Variants in SPAG9 observed in about 807,000 individuals in gnomAD.
SPAG9 encodes the protein sperm associated antigen 9.
In SPAG9, 35 loss-of-function variants were observed where a neutral mutation model predicts 166.5. The observed-to-expected ratio is 0.21, with a 90% CI of 0.16 to 0.28. The LOEUF (loss-of-function observed/expected upper bound fraction) is 0.28, where lower values mean the gene tolerates loss of function less well. Ranked by LOEUF, SPAG9 falls within the 10% of genes least tolerant of loss-of-function variation. The pLI, the probability that SPAG9 is intolerant of heterozygous loss-of-function variation, is 1.00. For synonymous variants in SPAG9, 534 were observed against 565.5 expected (o/e 0.94, Z 0.79); for missense variants, 1,235 against 1,603.3 (o/e 0.77, Z 3.92).
At chr17:51,007,787 C>A in intron 9 of SPAG9, 1 of 441,140 alleles carries the variant, frequency 2.3e-6, no homozygotes. Context: ...AGAGAACAGG[C>A]AAAAACAAGG....
chr17:51,080,206 A>G (rs1004339352), intron 1 of SPAG9, among the ~76,000 whole-genome samples: 2 of 152,208 alleles, frequency 1.3e-5, no homozygotes, highest in Non-Finnish European at 2.9e-5. Flanking sequence ...CATCAAGGAT[A>G]GTAACACTAA....
At chr17:51,031,937 GGA>G in intron 5 of SPAG9, 1 of 663,766 alleles carries the variant, frequency 1.5e-6, no homozygotes, top group Non-Finnish European at 2.8e-6. Flanking sequence ...GCCACCACTT[GGA>G]TCAGTGTCTT....
At chr17:51,116,095 G>A (rs755605242) in intron 1 of SPAG9, among the ~76,000 whole-genome samples, 1 of 151,822 alleles carries the variant, frequency 6.6e-6, no homozygotes, top group African/African-American at 2.4e-5. Context: ...GCCCAGGCTG[G>A]AGTACAGAGG....
At chr17:51,054,267 C>A (rs575318030) in intron 3 of SPAG9, among the ~76,000 whole-genome samples, 10 of 151,276 alleles carry the variant, frequency 6.6e-5, no homozygotes, top group African/African-American at 2.2e-4. Flanking sequence ...AAGGTGCAGG[C>A]CACCATGCCT....
intron 29 of SPAG9, 61 bp downstream of exon 29, chr17:50,970,646 T>G: frequency 6.9e-7 from 1 of 1,457,682 alleles, no homozygotes. Context: ...TTATTTACTT[T>G]GGGACAAAAC....
At chr17:50,972,254 T>C (rs572427223) in intron 28 of SPAG9, among the ~76,000 whole-genome samples, 1 of 152,296 alleles carries the variant, frequency 6.6e-6, no homozygotes, top group Admixed American at 6.5e-5. Context: ...GGAAAAGGTC[T>C]CTCCCTTGAA....
At chr17:51,075,374 C>T (rs955148663) in intron 2 of SPAG9, among the ~76,000 whole-genome samples, 6 of 151,800 alleles carry the variant, frequency 4.0e-5, no homozygotes, top group African/African-American at 1.2e-4. Flanking sequence ...AAAAAAGAAG[C>T]AGTATCTTCT....
rs1383860975 is a variant in SPAG9, at chr17:51,061,071, C to G, written c.425-4589G>C. ...CCATGTTGGTCAGGATGGTCTCGATCTCCTGACCTCGTGATCCACCCACCT... is the reference window on the plus strand; with the variant it reads ...CCATGTTGGTCAGGATGGTCTCGATGTCCTGACCTCGTGATCCACCCACCT... On this transcript the variant is annotated intron_variant, in intron 2 of 29. Coordinates refer to ENST00000262013, the MANE Select transcript of SPAG9 (RefSeq NM_001130528.3). 4.0e-5 allele frequency among the ~76,000 whole-genome samples: 6 copies of G among 151,688 alleles called. No homozygotes were observed. The South Asian group carries it at 1.0e-3, about 26-fold the overall frequency.
At position 51,073,792 on chromosome 17, in the gene SPAG9, G is replaced by A. The variant is rs61677471; in HGVS notation, c.424+5792C>T. On this transcript the variant is annotated intron_variant, in intron 2 of 29. Coordinates refer to ENST00000262013, the MANE Select transcript of SPAG9 (RefSeq NM_001130528.3). ...CTCCAATTTCAGGAGAAGGGAGTAAGTTCCAAAGCATTAATAAAAGATGAC... is the reference window on the plus strand; with the variant it reads ...CTCCAATTTCAGGAGAAGGGAGTAAATTCCAAAGCATTAATAAAAGATGAC... 6.5e-3 allele frequency among the ~76,000 whole-genome samples: 994 copies of A among 152,310 alleles called. 15 individuals are homozygous for A. Among genetic ancestry groups the A allele is most frequent in the African/African-American group, 0.023 (937 of 41,570 alleles).
chr17:50,985,010 G>T lies in SPAG9; in HGVS notation c.3021-20C>A. On this transcript the variant is annotated intron_variant, in intron 23 of 29. Transcript: ENST00000262013. ...ACGTGTCTGCAAACAGGAAAGGGGA[G>T]TTCAGAACTCTCCATTCAGGAATAC... 1 of 1,611,170 alleles carries T rather than the reference G, an allele frequency of 6.2e-7. No homozygotes were observed. The highest frequency in any genetic ancestry group is 8.5e-7 in the Non-Finnish European group (1 of 1,177,344).
rs2046097927 is a variant in SPAG9, at chr17:51,025,015, T to C, written c.784-3650A>G. Among the ~76,000 whole-genome samples, 10 of 134,394 alleles carry C rather than the reference T, an allele frequency of 7.4e-5. No homozygotes were observed. In the South Asian group the frequency reaches 2.1e-3, roughly 28 times the overall value. The allele number at this position is 134,394 out of a possible 152,430, so 88.2% of individuals were successfully genotyped here. On this transcript the variant is annotated intron_variant, in intron 6 of 29. Transcript: ENST00000262013. The stretch of plus-strand genomic sequence containing the variant: ...GCTTGGGCAACAGAGCAAGACTTCA[T>C]CTCAAAAAAAAAAAAAAAATTGGCC...
Position 51,014,368 on chromosome 17 carries a change from C to A in SPAG9, c.1092-15G>T. The A allele has an allele frequency of 6.3e-7, 1 of 1,593,494 alleles. No individual in the cohort carries two copies. The highest frequency in any genetic ancestry group is 8.6e-7 in the Non-Finnish European group (1 of 1,168,110). On this transcript the variant is annotated splice_polypyrimidine_tract_variant and intron_variant, in intron 8 of 29. Coordinates refer to ENST00000262013, the MANE Select transcript of SPAG9 (RefSeq NM_001130528.3). Reference sequence around the variant, plus strand: ...TGGTGGGAGTGCTATGCAACAAGAACAACAAAACCAAATCAACAAATGACA... The same window carrying A: ...TGGTGGGAGTGCTATGCAACAAGAAAAACAAAACCAAATCAACAAATGACA...
intron 1 of SPAG9, among the ~76,000 whole-genome samples, chr17:51,105,826 C>T (rs932410710): frequency 1.3e-5 from 2 of 151,662 alleles, no homozygotes; most frequent in Admixed American, 6.6e-5. Flanking sequence ...GCCGAGATTG[C>T]GCCACTGCAC....
chr17:51,083,798 T>C (rs375970341), intron 1 of SPAG9, among the ~76,000 whole-genome samples: 1 of 152,006 alleles, frequency 6.6e-6, no homozygotes, highest in Non-Finnish European at 1.5e-5. Context: ...AAGACCAATT[T>C]GGAAATTTGA....
chr17:51,037,075 T>TG (rs2046615154), intron 5 of SPAG9, among the ~76,000 whole-genome samples: 1 of 152,154 alleles, frequency 6.6e-6, no homozygotes, highest in East Asian at 1.9e-4. Context: ...ATTTTGTCCA[T>TG]TCTCAGTCTT....
chr17:51,062,294 A>G (rs929855730), intron 2 of SPAG9, among the ~76,000 whole-genome samples: 3 of 152,200 alleles, frequency 2.0e-5, no homozygotes, highest in Non-Finnish European at 2.9e-5. Flanking sequence ...CACCCAAAAT[A>G]TATCAATTAC....
chr17:51,027,287 C>A (rs1180845980), intron 6 of SPAG9, among the ~76,000 whole-genome samples: 1 of 151,964 alleles, frequency 6.6e-6, no homozygotes, highest in Non-Finnish European at 1.5e-5. Context: ...CAAAAATTAG[C>A]TGGGTGTAGT....
intron 25 of SPAG9, among the ~76,000 whole-genome samples, chr17:50,981,552 T>C (rs1028110878): frequency 1.3e-5 from 2 of 151,262 alleles, no homozygotes; most frequent in South Asian, 2.1e-4. Context: ...AAAGAATAGA[T>C]AGATAGATAG....
intron 25 of SPAG9, among the ~76,000 whole-genome samples, chr17:50,981,972 G>T (rs1974686285): frequency 6.6e-6 from 1 of 151,542 alleles, no homozygotes. Context: ...GACGAAAGTT[G>T]CAGTGAGCCA....
Sources: allele counts gnomAD v4.1 joint callset (sites outside exome capture counted in the v4.1 genomes callset), GRCh38; gene constraint gnomAD v4.1.1; transcripts MANE v1.5; gene names NCBI Gene and HGNC (gene_info 2026-07-23, HGNC 2026-07-21).